CTBP2: variants seen among roughly 807,000 people sequenced by gnomAD.
CTBP2 encodes C-terminal binding protein 2, also known as C-terminal-binding protein 2.
In CTBP2, 30 loss-of-function variants were observed where a neutral mutation model predicts 80.3. That is an observed-to-expected ratio of 0.37 (90% CI 0.28 to 0.51). The LOEUF is 0.51. Among genes scored for constraint, CTBP2 ranks in the 20% least tolerant of loss-of-function variants. The pLI is 0.93. For synonymous variants in CTBP2, 594 were observed against 587.4 expected, an observed-to-expected ratio of 1.01 and a Z score of -0.16; for missense variants, 1,212 against 1,375.3, an observed-to-expected ratio of 0.88 and a Z score of 1.88.
At chr10:125,002,365 C>A (rs903473834) in intron 3 of CTBP2, among the ~76,000 whole-genome samples, 1 of 152,238 alleles carries the variant, frequency 6.6e-6, no homozygotes, top group Non-Finnish European at 1.5e-5. Context: ...TGCATGGGGC[C>A]GATAAGCAGC....
intron 2 of CTBP2, among the ~76,000 whole-genome samples, chr10:125,096,798 A>T (rs1330762130): frequency 1.3e-5 from 2 of 150,932 alleles, no homozygotes; most frequent in South Asian, 2.1e-4. Context: ...TGGGGGGGAG[A>T]TGTCTGATAT....
intron 1 of CTBP2, among the ~76,000 whole-genome samples, chr10:125,149,952 C>G (rs1439685746): frequency 6.6e-6 from 1 of 152,266 alleles, no homozygotes; most frequent in Non-Finnish European, 1.5e-5. Flanking sequence ...CTAAGGCCCA[C>G]ACCACACGGA....
chr10:125,151,039 C>G (rs557930875), intron 1 of CTBP2, among the ~76,000 whole-genome samples: 3 of 151,812 alleles, frequency 2.0e-5, no homozygotes, highest in Non-Finnish European at 4.4e-5. Context: ...GTCAGGGCAA[C>G]GCAACAACAC....
At chr10:125,003,811 G>A (rs1273915296) in intron 1 of CTBP2, among the ~76,000 whole-genome samples, 2 of 152,116 alleles carry the variant, frequency 1.3e-5, no homozygotes, top group Admixed American at 6.5e-5. Context: ...TCCCTGCACC[G>A]CGTGCCTCCC....
In CTBP2 at chr10:125,026,720, T is replaced by C. The variant is rs770877341; in HGVS notation, c.1040A>G (p.Asn347Ser). 1 of 1,612,838 alleles carries C rather than the reference T, an allele frequency of 6.2e-7. No homozygotes were observed. ...CAGCTGCATTTCGGTCCTGCAGCTA[T>C]TGGCCAGGCGGCTCAGAACACGGGC... The change falls in exon 1 of 9, where the codon AAT (asparagine) becomes AGT (serine). Residue 347 changes from asparagine (N) to serine (S), a missense_variant. By Grantham distance (46) the Asn-to-Ser change is conservative. Coordinates refer to ENST00000309035, the MANE Select transcript of CTBP2 (RefSeq NM_022802.3).
chr10:125,064,182 C>T (rs559047075), intron 2 of CTBP2, among the ~76,000 whole-genome samples: 7 of 152,360 alleles, frequency 4.6e-5, no homozygotes, highest in South Asian at 4.1e-4. Flanking sequence ...ATAGTCTCCT[C>T]GGTTTTCACC....
At chr10:125,157,949 AAAG>A (rs1163431990) in intron 1 of CTBP2, among the ~76,000 whole-genome samples, 1 of 152,216 alleles carries the variant, frequency 6.6e-6, no homozygotes, top group Non-Finnish European at 1.5e-5. Flanking sequence ...ATGCCAGACA[AAAG>A]AATATTTAGC....
intron 2 of CTBP2, among the ~76,000 whole-genome samples, chr10:125,071,616 G>C (rs957778102): frequency 2.0e-5 from 3 of 152,198 alleles, no homozygotes; most frequent in African/African-American, 7.2e-5. Context: ...CCAAGGAACA[G>C]GAGAATGGAC....
In CTBP2 at chr10:124,993,303, G is replaced by T. The variant is rs775134330; in HGVS notation, c.2558C>A (p.Ala853Asp). The change falls in exon 7 of 9, where the codon GCC (alanine) becomes GAC (aspartate). Residue 853 changes from alanine to aspartate, a missense_variant. This residue lies in a region of CTBP2 where 335 missense variants were observed against 504.7 expected (regional missense o/e 0.66). Transcript: ENST00000309035. ...GTGAGGAGTGCAGATGAGATTCGGG[G>T]CATCTTTCAACGGACCCTGAGCAAA... 6.2e-7 allele frequency: 1 copy of T among 1,609,906 alleles called. No homozygotes were observed. Among genetic ancestry groups the T allele is most frequent in the East Asian group, 2.2e-5 (1 of 44,766 alleles).
chr10:125,038,429 G>A (rs963632748), intron 3 of CTBP2, among the ~76,000 whole-genome samples: 2 of 152,076 alleles, frequency 1.3e-5, no homozygotes, highest in African/African-American at 4.8e-5. Context: ...CTTACCACCC[G>A]CTAGCTGGAA....
In CTBP2 at chr10:125,026,940, C is replaced by T. The variant is rs374532569; in HGVS notation, c.820G>A (p.Glu274Lys). 69 of 1,613,944 alleles carry T rather than the reference C, an allele frequency of 4.3e-5. No individual in the cohort carries two copies. The highest frequency in any genetic ancestry group is 5.4e-5 in the Non-Finnish European group (64 of 1,180,022). Residue 274 changes from glutamate (E) to lysine (K), a missense_variant, in exon 1 of 9, where the codon GAA becomes AAA. Physicochemically the swap from Glu to Lys is moderately conservative, Grantham distance 56. Coordinates refer to ENST00000309035, the MANE Select transcript of CTBP2 (RefSeq NM_022802.3). ...CCCTGGAAGGTGGACAGGTCAGCTT[C>T]GTAAGTCTCGTAAGCCATCTTGGAT...
At chr10:125,042,802 C>CT (rs1473561818) in intron 2 of CTBP2, among the ~76,000 whole-genome samples, 1 of 152,196 alleles carries the variant, frequency 6.6e-6, no homozygotes, top group African/African-American at 2.4e-5. Context: ...CTGGCTGAGG[C>CT]TGGGAGGTAA....
chr10:124,997,689 G>A (rs1953815060), intron 4 of CTBP2: 1 of 518,018 alleles, frequency 1.9e-6, no homozygotes, highest in Non-Finnish European at 3.5e-6. Context: ...ACAGCGCCTT[G>A]CCCGCTGCCC....
chr10:125,041,015 T>G (rs1959584918), intron 2 of CTBP2, among the ~76,000 whole-genome samples: 1 of 152,232 alleles, frequency 6.6e-6, no homozygotes, highest in South Asian at 2.1e-4. Context: ...GAGGTTGTCA[T>G]AGAATGTGTG....
At chr10:125,088,587 C>T (rs138044882) in intron 2 of CTBP2, among the ~76,000 whole-genome samples, 106 of 152,276 alleles carry the variant, frequency 7.0e-4, no homozygotes, top group Non-Finnish European at 1.1e-3. Context: ...CGGATAACCT[C>T]AGGATTGATC....
At chr10:125,075,354 C>T (rs1846122585) in intron 2 of CTBP2, among the ~76,000 whole-genome samples, 1 of 152,212 alleles carries the variant, frequency 6.6e-6, no homozygotes, top group East Asian at 1.9e-4. Context: ...TGAGGCTCTA[C>T]CCCCATTAAT....
At chr10:125,050,177 C>T (rs991908075) in intron 2 of CTBP2, among the ~76,000 whole-genome samples, 1 of 152,204 alleles carries the variant, frequency 6.6e-6, no homozygotes, top group South Asian at 2.1e-4. Context: ...CAAGTATACA[C>T]ATTCCATAAT....
At chr10:125,141,801 G>C (rs1857873248) in intron 1 of CTBP2, among the ~76,000 whole-genome samples, 1 of 152,106 alleles carries the variant, frequency 6.6e-6, no homozygotes, top group Admixed American at 6.5e-5. Context: ...CAAGCACACA[G>C]CAAGTACACA....
chr10:125,050,239 T>A (rs530472520), intron 2 of CTBP2, among the ~76,000 whole-genome samples: 3 of 152,342 alleles, frequency 2.0e-5, no homozygotes, highest in African/African-American at 7.2e-5. Flanking sequence ...ACCGGTACCC[T>A]GTCTCCTGCG....
Sources: gnomAD v4.1 joint callset for allele counts (sites outside exome capture counted in the v4.1 genomes callset) on GRCh38, gnomAD v4.1.1 for gene constraint, gnomAD v4.1.1 regional missense constraint, MANE v1.5 for transcripts, NCBI Gene and HGNC (gene_info 2026-07-23, HGNC 2026-07-21) for gene names.